NRXN3: variants seen among roughly 807,000 people sequenced by gnomAD.
The protein encoded by NRXN3 is neurexin 3.
NRXN3 carries 32 observed loss-of-function variants against 137.6 expected under a neutral mutation model. The ratio of observed to expected loss-of-function variants is 0.23; its 90% CI spans 0.18 to 0.31. The LOEUF (loss-of-function observed/expected upper bound fraction) is 0.31. NRXN3 is among the 10% of genes least tolerant of loss of function. The pLI is 1.00. For synonymous variants in NRXN3, 798 were observed against 784.5 expected, an observed-to-expected ratio of 1.02 and a Z score of -0.29; for missense variants, 1,574 against 2,062.5, an observed-to-expected ratio of 0.76 and a Z score of 4.59.
In NRXN3 at chr14:78,263,520, G is replaced by T. The variant is rs554064540; in HGVS notation, c.710-15125G>T. On this transcript the variant is annotated intron_variant, in intron 2 of 20. Coordinates refer to ENST00000335750, the MANE Select transcript of NRXN3 (RefSeq NM_001330195.2). ...TTTTTCAGAAGCAAACAGTACGGGG[G>T]TCATATAATTCCTCGATTCATTTTT... Among the ~76,000 whole-genome samples the T allele has an allele frequency of 3.3e-5, 5 of 152,264 alleles. No individual in the cohort carries two copies. In the South Asian group the frequency reaches 1.0e-3, roughly 32 times the overall value.
At chr14:79,303,391 TATCTG>T (rs2085472725) in intron 15 of NRXN3, among the ~76,000 whole-genome samples, 1 of 152,100 alleles carries the variant, frequency 6.6e-6, no homozygotes. Flanking sequence ...TCTAACATCT[TATCTG>T]GCCACTTTTT....
At chr14:79,470,951 A>AGAGAGTGT (rs1214553642) in intron 16 of NRXN3, among the ~76,000 whole-genome samples, 5 of 116,416 alleles carry the variant, frequency 4.3e-5, no homozygotes, top group African/African-American at 1.6e-4. Context: ...AGAGAGAGAG[A>AGAGAGTGT]GTGTGTGTGT....
At position 79,024,949 on chromosome 14, in the gene NRXN3, T is replaced by C. The variant is rs539355813; in HGVS notation, c.3262+36808T>C. Among the ~76,000 whole-genome samples the C allele has an allele frequency of 5.3e-5, 8 of 152,256 alleles. No individual in the cohort carries two copies. The East Asian group carries it at 1.5e-3, about 29-fold the overall frequency. ...GGCCTAAGTTCTTCTACTTTATAGA[T>C]ATTGAGACTCATAGAGGCATAAAGT... On this transcript the variant is annotated intron_variant, in intron 15 of 20. Transcript: ENST00000335750.
At chr14:79,122,722 T>G (rs2055668311) in intron 15 of NRXN3, among the ~76,000 whole-genome samples, 1 of 152,212 alleles carries the variant, frequency 6.6e-6, no homozygotes, top group South Asian at 2.1e-4. Context: ...CATACATTTG[T>G]ATACATTCTT....
chr14:79,265,727 C>A (rs965853084), intron 15 of NRXN3, among the ~76,000 whole-genome samples: 1 of 152,174 alleles, frequency 6.6e-6, no homozygotes, highest in African/African-American at 2.4e-5. Flanking sequence ...CTATCAGGCA[C>A]AATGACTCCC....
intron 4 of NRXN3, among the ~76,000 whole-genome samples, chr14:78,452,185 C>G (rs747097235): frequency 6.6e-6 from 1 of 152,098 alleles, no homozygotes; most frequent in Admixed American, 6.6e-5. Flanking sequence ...GCATATTGGC[C>G]AAGAGCAAAG....
intron 15 of NRXN3, among the ~76,000 whole-genome samples, chr14:79,153,114 TC>T (rs1425339951): frequency 1.3e-5 from 2 of 151,920 alleles, no homozygotes; most frequent in African/African-American, 4.8e-5. Context: ...AGAATGAGCT[TC>T]CAAGGCAGTT....
At chr14:79,479,656 A>G (rs1032272820) in intron 16 of NRXN3, among the ~76,000 whole-genome samples, 5 of 152,164 alleles carry the variant, frequency 3.3e-5, no homozygotes, top group African/African-American at 1.2e-4. Context: ...AGCAGCATAC[A>G]TAACTTAAAA....
intron 16 of NRXN3, among the ~76,000 whole-genome samples, chr14:79,659,963 A>AC (rs1198726752): frequency 1.3e-5 from 2 of 152,188 alleles, no homozygotes; most frequent in Admixed American, 6.6e-5. Flanking sequence ...CTTATAAAGT[A>AC]CCATCATGTT....
chr14:79,265,687 C>T (rs999143578), intron 15 of NRXN3, among the ~76,000 whole-genome samples: 2 of 152,030 alleles, frequency 1.3e-5, no homozygotes, highest in South Asian at 2.1e-4. Flanking sequence ...TTCTGTACAC[C>T]GACAAGGTAT....
chr14:78,938,526 G>A (rs1017685867), intron 10 of NRXN3, among the ~76,000 whole-genome samples: 1 of 152,078 alleles, frequency 6.6e-6, no homozygotes, highest in African/African-American at 2.4e-5. Context: ...CAGGAAGGTT[G>A]GATAATCCTA....
intron 15 of NRXN3, among the ~76,000 whole-genome samples, chr14:79,196,632 G>C (rs1476594470): frequency 7.3e-6 from 1 of 136,206 alleles, no homozygotes; most frequent in Non-Finnish European, 1.7e-5. Context: ...AATATGCTGT[G>C]ATTGATATAG....
intron 19 of NRXN3, among the ~76,000 whole-genome samples, chr14:79,743,089 TGG>T (rs932519445): frequency 2.0e-5 from 3 of 152,212 alleles, no homozygotes; most frequent in Non-Finnish European, 4.4e-5. Context: ...GCTATTTTTG[TGG>T]CACCTGGGTG....
At chr14:79,474,994 CAGATAA>C (rs2096547379) in intron 16 of NRXN3, among the ~76,000 whole-genome samples, 1 of 151,958 alleles carries the variant, frequency 6.6e-6, no homozygotes, top group African/African-American at 2.4e-5. Flanking sequence ...CCTTGGGTAC[CAGATAA>C]AGTCACAAAG....
Position 79,647,430 on chromosome 14 carries a change from C to T in NRXN3, c.3445-16348C>T, listed in dbSNP as rs1052331807. On this transcript the variant is annotated intron_variant, in intron 16 of 20. Transcript: ENST00000335750. Reference sequence around the variant, plus strand: ...GCTGTCATGCAACTTTCAAATAATGCATTTTATTATCATTATCTTTTCCGG... The same window carrying T: ...GCTGTCATGCAACTTTCAAATAATGTATTTTATTATCATTATCTTTTCCGG... Among the ~76,000 whole-genome samples the T allele has an allele frequency of 9.6e-5, 13 of 135,828 alleles. No individual in the cohort carries two copies. The East Asian group carries it at 2.5e-3, about 27-fold the overall frequency. 89.1% of individuals were successfully genotyped at this position (135,828 alleles called of 152,430 possible). A position where few individuals can be genotyped will look rare whatever the true frequency, so the allele number is the denominator to read the frequency against.
chr14:78,608,263 C>A (rs1380060737), intron 4 of NRXN3, among the ~76,000 whole-genome samples: 2 of 152,052 alleles, frequency 1.3e-5, no homozygotes, highest in Non-Finnish European at 2.9e-5. Context: ...TTCCCACCCC[C>A]ACTTAAGGAT....
chr14:79,202,118 G>C lies in NRXN3; in HGVS notation c.3262+213977G>C, dbSNP rs151153493. ...AATCAATTGAGGTTTTATTGAGCTA[G>C]AGCTTGAGGGTGTGCCCAAGATAAA... On this transcript the variant is annotated intron_variant, in intron 15 of 20. Coordinates refer to ENST00000335750, the MANE Select transcript of NRXN3 (RefSeq NM_001330195.2). Among the ~76,000 whole-genome samples the C allele has an allele frequency of 1.5e-4, 22 of 151,188 alleles. No individual in the cohort carries two copies. The East Asian group carries it at 2.4e-3, about 16-fold the overall frequency.
intron 10 of NRXN3, among the ~76,000 whole-genome samples, chr14:78,874,882 T>C (rs2099110173): frequency 6.6e-6 from 1 of 152,100 alleles, no homozygotes; most frequent in Non-Finnish European, 1.5e-5. Context: ...TGTGGGAAAA[T>C]TGATGCCTGA....
In NRXN3 at chr14:78,225,974, GGTGT is replaced by G. The variant is rs71131635; in HGVS notation, c.-703-16376_-703-16373del. Among the ~76,000 whole-genome samples the G allele has an allele frequency of 5.9e-3, 735 of 123,646 alleles. 3 individuals are homozygous for G. The highest frequency in any genetic ancestry group is 0.021 in the Middle Eastern group (5 of 238). The allele number at this position is 123,646 out of a possible 152,430, so 81.1% of individuals were successfully genotyped here. ...TTTGGTGTGTGTGTGTGTGTGTGTT[GGTGT>G]GTGTGTGTGTGTGTGTGTGTGTGTG... is the stretch of plus-strand genomic sequence containing the variant. On this transcript the variant is annotated intron_variant, in intron 1 of 20. Coordinates refer to ENST00000335750, the MANE Select transcript of NRXN3 (RefSeq NM_001330195.2).
Sources: allele counts gnomAD v4.1 joint callset (sites outside exome capture counted in the v4.1 genomes callset), GRCh38; gene constraint gnomAD v4.1.1; transcripts MANE v1.5; gene names NCBI Gene and HGNC (gene_info 2026-07-23, HGNC 2026-07-21).